IGF1R: variants seen among roughly 807,000 people sequenced by gnomAD.
IGF1R encodes the protein insulin like growth factor 1 receptor, also known as insulin-like growth factor 1 receptor.
A neutral mutation model predicts 144.6 loss-of-function variants in IGF1R; 44 were observed. The ratio of observed to expected loss-of-function variants is 0.30; its 90% CI spans 0.24 to 0.39. The LOEUF (loss-of-function observed/expected upper bound fraction) is 0.39. Ranked by LOEUF, IGF1R falls within the 10% of genes least tolerant of loss-of-function variation. IGF1R has a pLI of 1.00. For synonymous variants in IGF1R, 795 were observed against 722.8 expected (o/e 1.10, Z -1.60); for missense variants, 1,355 against 1,833.7 (o/e 0.74, Z 4.77).
intron 2 of IGF1R, among the ~76,000 whole-genome samples, chr15:98,755,200 T>G (rs1221697655): frequency 6.6e-6 from 1 of 152,136 alleles, no homozygotes; most frequent in Non-Finnish European, 1.5e-5. Context: ...ATATAGTCTT[T>G]CGTAACATTT....
intron 2 of IGF1R, among the ~76,000 whole-genome samples, chr15:98,798,448 G>GGT (rs2056295078): frequency 6.6e-6 from 1 of 152,052 alleles, no homozygotes; most frequent in Admixed American, 6.6e-5. Flanking sequence ...GTTTGGAGCT[G>GGT]GTGTGTACGT....
At chr15:98,710,674 T>TTC (rs1223613726) in intron 2 of IGF1R, among the ~76,000 whole-genome samples, 4 of 151,286 alleles carry the variant, frequency 2.6e-5, no homozygotes, top group Non-Finnish European at 5.9e-5. Context: ...TATTCTTTTT[T>TTC]TTTTTTTTTG....
intron 2 of IGF1R, among the ~76,000 whole-genome samples, chr15:98,834,585 T>G (rs774108325): frequency 2.0e-5 from 3 of 152,202 alleles, no homozygotes; most frequent in Admixed American, 6.5e-5. Flanking sequence ...CACTGAACTC[T>G]GGGGGTTACC....
intron 2 of IGF1R, among the ~76,000 whole-genome samples, chr15:98,841,490 C>T (rs2011174014): frequency 6.6e-6 from 1 of 152,170 alleles, no homozygotes; most frequent in Admixed American, 6.5e-5. Context: ...GAGTTAGTTT[C>T]CAGCAGCCTG....
chr15:98,669,918 C>A (rs1453109339), intron 1 of IGF1R, among the ~76,000 whole-genome samples: 2 of 152,174 alleles, frequency 1.3e-5, no homozygotes, highest in African/African-American at 4.8e-5. Context: ...TTGGATTCGG[C>A]TACAGTGGGC....
At chr15:98,884,503 G>A (rs1285404737) in intron 2 of IGF1R, among the ~76,000 whole-genome samples, 1 of 151,892 alleles carries the variant, frequency 6.6e-6, no homozygotes, top group Non-Finnish European at 1.5e-5. Context: ...GACCATCCTG[G>A]GTAACACGGT....
At chr15:98,708,247 G>C (rs891318317) in intron 2 of IGF1R, 140 bp downstream of exon 2, 4 of 772,488 alleles carry the variant, frequency 5.2e-6, no homozygotes, top group Non-Finnish European at 8.9e-6. Flanking sequence ...CATGCCTGCT[G>C]TGCGGAAGTG....
intron 1 of IGF1R, among the ~76,000 whole-genome samples, chr15:98,668,939 G>C (rs2052815257): frequency 6.6e-6 from 1 of 152,226 alleles, no homozygotes; most frequent in Non-Finnish European, 1.5e-5. Context: ...CCAGGAGGCT[G>C]GGAAGGTGAT....
chr15:98,852,723 C>T (rs1398574397), intron 2 of IGF1R, among the ~76,000 whole-genome samples: 1 of 152,206 alleles, frequency 6.6e-6, no homozygotes, highest in Non-Finnish European at 1.5e-5. Context: ...CTCCGCCTCC[C>T]GCCGTCGCTG....
At chr15:98,785,695 C>T (rs571349785) in intron 2 of IGF1R, among the ~76,000 whole-genome samples, 1 of 152,158 alleles carries the variant, frequency 6.6e-6, no homozygotes, top group Admixed American at 6.5e-5. Context: ...AGCAGTCTAG[C>T]CTGCTGTGAT....
At chr15:98,735,355 C>T (rs2054587264) in intron 2 of IGF1R, among the ~76,000 whole-genome samples, 1 of 152,232 alleles carries the variant, frequency 6.6e-6, no homozygotes, top group Non-Finnish European at 1.5e-5. Flanking sequence ...GTGACTCTGC[C>T]CACCTGCATA....
Position 98,731,198 on chromosome 15 carries a change from G to A in IGF1R, c.640+23091G>A, listed in dbSNP as rs2054489349. The stretch of plus-strand genomic sequence containing the variant: ...ATCTCAAGTCATTAAAAGTGATATG[G>A]CTAACTCTGGGCCCTGTGCTATAAA... On this transcript the variant is annotated intron_variant, in intron 2 of 20. Transcript: ENST00000650285. 2.0e-5 allele frequency among the ~76,000 whole-genome samples: 3 copies of A among 152,162 alleles called. No homozygotes were observed. In the South Asian group the frequency reaches 6.2e-4, roughly 32 times the overall value.
In IGF1R at chr15:98,916,685, C is replaced by T. The variant is rs1225643101; in HGVS notation, c.2010C>T (p.Ile670=). 6 of 1,614,076 alleles carry T rather than the reference C, an allele frequency of 3.7e-6. No homozygotes were observed. Among genetic ancestry groups the T allele is most frequent in the Non-Finnish European group, 5.1e-6 (6 of 1,179,984 alleles). The change falls in exon 10 of 21, where the codon ATC becomes ATT. Residue 670 remains isoleucine (I), a synonymous_variant. Coordinates refer to ENST00000650285, the MANE Select transcript of IGF1R (RefSeq NM_000875.5). ...HNYCSKDKIP[I]RKYADGTIDI... Reference sequence around the variant, plus strand: ...TTTTCCGAGAAGACAAAATCCCCATCAGGAAGTATGCCGACGGCACCATCG... The same window carrying T: ...TTTTCCGAGAAGACAAAATCCCCATTAGGAAGTATGCCGACGGCACCATCG...
intron 2 of IGF1R, among the ~76,000 whole-genome samples, chr15:98,783,402 T>C (rs2055904391): frequency 1.3e-5 from 2 of 152,238 alleles, no homozygotes; most frequent in Non-Finnish European, 1.5e-5. Context: ...AATAGACTCA[T>C]AGTATGTAAC....
chr15:98,744,744 G>T (rs1036627125), intron 2 of IGF1R, among the ~76,000 whole-genome samples: 2 of 151,608 alleles, frequency 1.3e-5, no homozygotes. Flanking sequence ...TAAACATGAC[G>T]GTAATGCAAA....
chr15:98,822,108 A>G (rs2141480507), intron 2 of IGF1R, among the ~76,000 whole-genome samples: 1 of 152,346 alleles, frequency 6.6e-6, no homozygotes, highest in African/African-American at 2.4e-5. Flanking sequence ...CTTCAGAAAG[A>G]TGGAAATTTC....
chr15:98,956,295 C>G (rs1320882427), intron 20 of IGF1R, among the ~76,000 whole-genome samples: 1 of 152,258 alleles, frequency 6.6e-6, no homozygotes, highest in African/African-American at 2.4e-5. Flanking sequence ...TCATCCTGTT[C>G]TGCCTGTCCC....
At chr15:98,675,486 G>C (rs750013005) in intron 1 of IGF1R, among the ~76,000 whole-genome samples, 17 of 152,104 alleles carry the variant, frequency 1.1e-4, no homozygotes, top group Non-Finnish European at 2.2e-4. Context: ...GCTTCCAGAA[G>C]CAGTGTCTGT....
At chr15:98,885,476 T>C (rs550370007) in intron 2 of IGF1R, among the ~76,000 whole-genome samples, 3 of 152,258 alleles carry the variant, frequency 2.0e-5, no homozygotes, top group Non-Finnish European at 2.9e-5. Context: ...AAAATCTCTT[T>C]GGACCATGTG....
Sources: allele counts gnomAD v4.1 joint callset (sites outside exome capture counted in the v4.1 genomes callset), GRCh38; gene constraint gnomAD v4.1.1; transcripts MANE v1.5; gene names NCBI Gene and HGNC (gene_info 2026-07-23, HGNC 2026-07-21).